ZNF532: variants seen among roughly 807,000 people sequenced by gnomAD.
The protein encoded by ZNF532 is zinc finger protein 532.
A neutral mutation model predicts 89.3 loss-of-function variants in ZNF532; 22 were observed. The ratio of observed to expected loss-of-function variants is 0.25; its 90% CI spans 0.18 to 0.35. The LOEUF (loss-of-function observed/expected upper bound fraction) is 0.35, where lower values mean the gene tolerates loss of function less well. ZNF532 is among the 10% of genes least tolerant of loss of function. The pLI, the probability that ZNF532 is intolerant of heterozygous loss-of-function variation, is 1.00. For synonymous variants in ZNF532, 606 were observed against 649.6 expected (o/e 0.93, Z 1.02); for missense variants, 1,132 against 1,643.4 (o/e 0.69, Z 5.38).
At chr18:58,863,475 T>G, upstream of ZNF532, 1 of 2,058 alleles carries the variant, frequency 4.9e-4, no homozygotes, top group East Asian at 0.011. Flanking sequence ...TCGCCCGCGC[T>G]CCCTTTTGTT....
chr18:58,930,208 A>G (rs2061835579), intron 3 of ZNF532, among the ~76,000 whole-genome samples: 1 of 152,196 alleles, frequency 6.6e-6, no homozygotes, highest in Admixed American at 6.5e-5. Context: ...ATCTATAGAA[A>G]GAGGATGTCA....
intron 3 of ZNF532, among the ~76,000 whole-genome samples, chr18:58,923,158 G>A (rs1341528745): frequency 6.6e-6 from 1 of 151,926 alleles, no homozygotes; most frequent in South Asian, 2.1e-4. Context: ...ATCTGTTTCC[G>A]TTTTGCAGCC....
chr18:58,980,730 C>T (rs1163329367), intron 8 of ZNF532: 3 of 152,336 alleles, frequency 2.0e-5, no homozygotes, highest in South Asian at 2.1e-4. Flanking sequence ...CTACCCTCCA[C>T]CTCCTGGGTT....
rs1255637029 is a variant in ZNF532 at position 58,919,469 on chromosome 18, G to A, written c.1182G>A (p.Glu394=). The A allele has an allele frequency of 1.9e-6, 3 of 1,614,232 alleles. No individual in the cohort carries two copies. Among genetic ancestry groups the A allele is most frequent in the Middle Eastern group, 1.6e-4 (1 of 6,062 alleles). ...VDLDSGKKPS[E]QTASVMASVT... Reference sequence around the variant, plus strand: ...TTGACTCTGGAAAGAAACCTTCCGAGCAGACAGCGTCCGTGATGGCCTCTG... The same window carrying A: ...TTGACTCTGGAAAGAAACCTTCCGAACAGACAGCGTCCGTGATGGCCTCTG... The change falls in exon 3 of 10, where the codon GAG becomes GAA. Residue 394 remains glutamate, a synonymous_variant. Transcript: ENST00000591808. The surrounding 1 kb of genome is among the most constrained non-coding windows in gnomAD (Gnocchi z 6.1).
In ZNF532 at chr18:58,948,193, A is replaced by G. The variant is rs1458713771; in HGVS notation, c.2832A>G (p.Leu944=). The G allele has an allele frequency of 4.3e-6, 7 of 1,613,584 alleles. 1 individual carries two copies. In the South Asian group the frequency reaches 5.5e-5, roughly 13 times the overall value. Reference sequence around the variant, plus strand: ...TCAAGTGTCCAGACTGTTCTCTTTTATATGCACAGAAGCAACTTATGATGG... The same window carrying G: ...TCAAGTGTCCAGACTGTTCTCTTTTGTATGCACAGAAGCAACTTATGATGG... The part of the protein sequence containing the change: ...SVFKCPDCSL[L]YAQKQLMMDH... Residue 944 remains leucine (L), a synonymous_variant, in exon 6 of 10, where the codon TTA becomes TTG. Coordinates refer to ENST00000591808, the MANE Select transcript of ZNF532 (RefSeq NM_001375912.1).
chr18:58,928,023 C>A (rs939837501), intron 3 of ZNF532, among the ~76,000 whole-genome samples: 2 of 152,186 alleles, frequency 1.3e-5, no homozygotes, highest in African/African-American at 4.8e-5. Context: ...ACGTACTTTT[C>A]TTGATTTAGC....
intron 2 of ZNF532, among the ~76,000 whole-genome samples, chr18:58,893,656 CAA>C (rs11389338): frequency 2.0e-4 from 24 of 118,018 alleles, no homozygotes; most frequent in Admixed American, 1.7e-4. Context: ...GACTCTGTCT[CAA>C]AAAAAAAAAA....
At chr18:58,868,342 T>C (rs1215546118) in intron 2 of ZNF532, among the ~76,000 whole-genome samples, 1 of 152,240 alleles carries the variant, frequency 6.6e-6, no homozygotes, top group African/African-American at 2.4e-5. Flanking sequence ...AATTTAAAAT[T>C]TGTGTACAGG....
intron 2 of ZNF532, among the ~76,000 whole-genome samples, chr18:58,907,827 C>T (rs559697806): frequency 1.3e-5 from 2 of 152,260 alleles, no homozygotes; most frequent in Non-Finnish European, 2.9e-5. Context: ...CCTGAGCTTC[C>T]CACAAGACTT....
intron 2 of ZNF532, among the ~76,000 whole-genome samples, chr18:58,885,705 T>G (rs974628205): frequency 2.0e-5 from 3 of 151,916 alleles, no homozygotes; most frequent in Non-Finnish European, 4.4e-5. Flanking sequence ...AACACAAAAA[T>G]TAGCTGGGTG....
At chr18:58,905,092 T>A (rs927630611) in intron 2 of ZNF532, among the ~76,000 whole-genome samples, 2 of 152,164 alleles carry the variant, frequency 1.3e-5, no homozygotes, top group African/African-American at 4.8e-5. Context: ...TCTACCTGCC[T>A]CGGCCTCTGG....
At chr18:58,868,442 A>G (rs1276142780) in intron 2 of ZNF532, among the ~76,000 whole-genome samples, 1 of 152,228 alleles carries the variant, frequency 6.6e-6, no homozygotes, top group East Asian at 1.9e-4. Flanking sequence ...GAACAGGCCC[A>G]TCACACCAGA....
intron 7 of ZNF532, among the ~76,000 whole-genome samples, chr18:58,971,188 AC>A (rs1446729237): frequency 1.3e-5 from 2 of 152,110 alleles, no homozygotes; most frequent in African/African-American, 4.8e-5. Context: ...CGTTGGTTTA[AC>A]CCTCTTTATT....
At chr18:58,900,709 C>T (rs1187654450) in intron 2 of ZNF532, among the ~76,000 whole-genome samples, 1 of 152,186 alleles carries the variant, frequency 6.6e-6, no homozygotes, top group Non-Finnish European at 1.5e-5. Context: ...TTGTTTTTGG[C>T]AACCGTTATT....
At chr18:58,910,334 C>T (rs2060202316) in intron 2 of ZNF532, among the ~76,000 whole-genome samples, 2 of 152,022 alleles carry the variant, frequency 1.3e-5, no homozygotes, top group African/African-American at 4.8e-5. Context: ...TTTTTTGTTC[C>T]CTGAACCCTT....
At chr18:58,885,761 G>GGAGAATC (rs1227535014) in intron 2 of ZNF532, among the ~76,000 whole-genome samples, 1 of 151,744 alleles carries the variant, frequency 6.6e-6, no homozygotes, top group Non-Finnish European at 1.5e-5. Context: ...GGCTGAGGCA[G>GGAGAATC]GAGAATCACT....
intron 2 of ZNF532, among the ~76,000 whole-genome samples, chr18:58,868,612 T>C (rs930465334): frequency 1.3e-5 from 2 of 152,238 alleles, no homozygotes; most frequent in Admixed American, 6.5e-5. Flanking sequence ...TGTGTTTCGA[T>C]ACTTGGTTCT....
At chr18:58,978,956 T>C in intron 7 of ZNF532, 99 bp from the exon 8 acceptor site, 2 of 956,128 alleles carry the variant, frequency 2.1e-6, no homozygotes, top group Non-Finnish European at 3.2e-6. Flanking sequence ...TTTGGGGACC[T>C]GTAATAATGA....
chr18:58,894,433 C>T (rs1210851953), intron 2 of ZNF532, among the ~76,000 whole-genome samples: 1 of 147,088 alleles, frequency 6.8e-6, no homozygotes, highest in East Asian at 2.0e-4. Context: ...CACCACTGCA[C>T]TCCAGCCTGG....
Sources: allele counts gnomAD v4.1 joint callset (sites outside exome capture counted in the v4.1 genomes callset), GRCh38; gene constraint gnomAD v4.1.1; non-coding constraint Gnocchi (gnomAD v3.1); transcripts MANE v1.5; gene names NCBI Gene and HGNC (gene_info 2026-07-23, HGNC 2026-07-21).